The following NUP214 variants were observed in gnomAD, a reference collection of about 807,000 sequenced individuals.
NUP214 encodes nuclear pore complex protein Nup214.
Under a neutral mutation model 196.2 loss-of-function variants are expected in NUP214, and 79 were observed. That is an observed-to-expected ratio of 0.40 (90% CI 0.34 to 0.49). The LOEUF is 0.49. Ranked by LOEUF, NUP214 falls within the 20% of genes least tolerant of loss-of-function variation. NUP214 has a pLI of 0.58. For missense variants in NUP214, 2,468 were observed against 2,539.0 expected (o/e 0.97, Z 0.60); for synonymous variants, 1,020 against 990.5 (o/e 1.03, Z -0.56).
chr9:131,231,286 G>A (rs559386341), intron 34 of NUP214, among the ~76,000 whole-genome samples: 6 of 152,082 alleles, frequency 3.9e-5, no homozygotes, highest in Admixed American at 6.5e-5. Context: ...TCCGCCTCCC[G>A]GGTTCACGCC....
intron 34 of NUP214, among the ~76,000 whole-genome samples, chr9:131,231,643 A>AG (rs1834881881): frequency 6.6e-6 from 1 of 152,058 alleles, no homozygotes; most frequent in African/African-American, 2.4e-5. Context: ...AAAAAAAAAA[A>AG]AAAGGCATAG....
At chr9:131,206,140 T>C (rs1834073901) in intron 30 of NUP214, among the ~76,000 whole-genome samples, 1 of 99,890 alleles carries the variant, frequency 1.0e-5, no homozygotes, top group African/African-American at 3.7e-5. Flanking sequence ...AGAATTTTTT[T>C]CTTTTTTCTT....
rs1485730286 is a variant in NUP214 at position 131,198,628 on chromosome 9, G to A, written c.5134G>A (p.Ala1712Thr). The A allele has an allele frequency of 6.2e-7, 1 of 1,614,252 alleles. No homozygotes were observed. The change falls in exon 29 of 36, where the codon GCT becomes ACT. Residue 1712 changes from alanine to threonine, a missense_variant. Physicochemically the swap from Ala to Thr is moderately conservative, Grantham distance 58 (BLOSUM62 0). This residue lies in a region of NUP214 where 1,801 missense variants were observed against 1,779.4 expected (regional missense o/e 1.01). Coordinates refer to ENST00000359428, the MANE Select transcript of NUP214 (RefSeq NM_005085.4). Reference sequence around the variant, plus strand: ...CAGCAGCTCAGGGTTTAGCAGCCCAGCTTTTGGTACCACAGCCCCAGGGGT... The same window carrying A: ...CAGCAGCTCAGGGTTTAGCAGCCCAACTTTTGGTACCACAGCCCCAGGGGT... ...QVSSSGFSSPAFGTTAPGVFG... is the reference protein window; with the variant it reads ...QVSSSGFSSPTFGTTAPGVFG...
rs890071268 is a variant in NUP214 at position 131,233,660 on chromosome 9, A to C, written c.*173A>C. On this transcript the variant is annotated 3_prime_UTR_variant, in exon 36 of 36. Coordinates refer to ENST00000359428, the MANE Select transcript of NUP214 (RefSeq NM_005085.4). ...CGCATGATTACTTGTTTTATATTTC[A>C]TGTTGGGTTTTCCCTCCCACTATTA... 6.8e-6 allele frequency: 5 copies of C among 735,946 alleles called. No homozygotes were observed. The highest frequency in any genetic ancestry group is 1.2e-5 in the Non-Finnish European group (5 of 423,682). The allele number at this position is 735,946 out of a possible 1,614,324, so 45.6% of individuals were successfully genotyped here.
chr9:131,125,894 G>C lies in NUP214; in HGVS notation c.45+145G>C, dbSNP rs1335658871. 7 of 974,838 alleles carry C rather than the reference G, an allele frequency of 7.2e-6. No homozygotes were observed. Among genetic ancestry groups the C allele is most frequent in the Admixed American group, 2.7e-5 (1 of 36,580 alleles). The allele number at this position is 974,838 out of a possible 1,614,324, so 60.4% of individuals were successfully genotyped here. A position where few individuals can be genotyped will look rare whatever the true frequency, so the allele number is the denominator to read the frequency against. On this transcript the variant is annotated intron_variant, in intron 1 of 35. Transcript: ENST00000359428. This position sits in a 1 kb window ranked among gnomAD's most constrained non-coding sequence, Gnocchi z 4.1. ...CACAGCTCTCACCAGCGCGTCTGCC[G>C]CGCCGCTGGCGTGATAGCCCCACCG...
At chr9:131,163,690 A>G (rs560430228) in intron 19 of NUP214, among the ~76,000 whole-genome samples, 180 bp from the exon 20 acceptor site, 1 of 152,192 alleles carries the variant, frequency 6.6e-6, no homozygotes, top group East Asian at 1.9e-4. Flanking sequence ...TGGAGATGGT[A>G]TATAATATGA....
intron 24 of NUP214, 200 bp from the exon 25 acceptor site, chr9:131,187,089 A>C: frequency 1.8e-6 from 1 of 562,034 alleles, no homozygotes; most frequent in Non-Finnish European, 3.2e-6. Context: ...CACTGCTTTG[A>C]CTTTCATGCT....
Position 131,144,382 on chromosome 9 carries a change from C to G in NUP214, c.1397C>G (p.Pro466Arg). The stretch of plus-strand genomic sequence containing the variant: ...CTGCCACCTTCATCACCTGCTGCTC[C>G]CATTGCCACTTTTTCTTTGCTTCCT... ...ASLPPSSPAA[P>R]IATFSLLPAG... The change falls in exon 12 of 36, where the codon CCC becomes CGC. Residue 466 changes from proline to arginine, a missense_variant. This residue lies in a region of NUP214 where 1,801 missense variants were observed against 1,779.4 expected (regional missense o/e 1.01). Transcript: ENST00000359428. The G allele has an allele frequency of 6.2e-7, 1 of 1,614,160 alleles. No individual in the cohort carries two copies. The highest frequency in any genetic ancestry group is 8.5e-7 in the Non-Finnish European group (1 of 1,180,024).
chr9:131,189,228 G>C lies in NUP214; in HGVS notation c.3574+97G>C. 1.0e-5 allele frequency: 10 copies of C among 990,834 alleles called. No individual in the cohort carries two copies. The South Asian group carries it at 1.3e-4, about 13-fold the overall frequency. The allele number at this position is 990,834 out of a possible 1,614,324, so 61.4% of individuals were successfully genotyped here. A position where few individuals can be genotyped will look rare whatever the true frequency, so the allele number is the denominator to read the frequency against. ...CTGAGACAGTTGCCATAGGAAACAG[G>C]AGTCACATTTGATGAGATCGGGAGC... On this transcript the variant is annotated intron_variant, in intron 26 of 35. Transcript: ENST00000359428.
chr9:131,125,892 C>G lies in NUP214; in HGVS notation c.45+143C>G. ...TTCACAGCTCTCACCAGCGCGTCTG[C>G]CGCGCCGCTGGCGTGATAGCCCCAC... On this transcript the variant is annotated intron_variant, in intron 1 of 35. Coordinates refer to ENST00000359428, the MANE Select transcript of NUP214 (RefSeq NM_005085.4). The surrounding 1 kb of genome is among the most constrained non-coding windows in gnomAD (Gnocchi z 4.1). 2.2e-6 allele frequency: 2 copies of G among 915,612 alleles called. No homozygotes were observed. The highest frequency in any genetic ancestry group is 3.1e-5 in the Admixed American group (1 of 32,304). The allele number at this position is 915,612 out of a possible 1,614,324, so 56.7% of individuals were successfully genotyped here.
At chr9:131,149,820 T>C (rs1183010774) in intron 14 of NUP214, 1 of 154,628 alleles carries the variant, frequency 6.5e-6, no homozygotes, top group East Asian at 1.9e-4. Context: ...CTCCCCTGAC[T>C]TCACAGAGCC....
chr9:131,229,769 G>A (rs376769875), intron 33 of NUP214: 19 of 518,824 alleles, frequency 3.7e-5, no homozygotes, highest in African/African-American at 3.3e-4. Flanking sequence ...AAAGTCCAAT[G>A]AGAGCAGATC....
intron 17 of NUP214, among the ~76,000 whole-genome samples, chr9:131,156,972 A>AT (rs902226589): frequency 6.0e-5 from 9 of 150,776 alleles, no homozygotes; most frequent in South Asian, 4.2e-4. Context: ...GTTTTATTTT[A>AT]TTTTTTTTTA....
intron 30 of NUP214, 94 bp downstream of exon 30, chr9:131,201,811 A>G (rs1404346256): frequency 9.5e-7 from 1 of 1,052,110 alleles, no homozygotes; most frequent in Non-Finnish European, 1.5e-6. Flanking sequence ...GTATATCTAA[A>G]TCCAGCAAAT....
At chr9:131,192,175 T>TC in intron 26 of NUP214, 33 bp from the exon 27 acceptor site, 1 of 776,796 alleles carries the variant, frequency 1.3e-6, no homozygotes, top group Non-Finnish European at 1.9e-6. Context: ...TATTCTTTTT[T>TC]TTTTTTTTTT....
At chr9:131,210,619 T>G (rs1244784299) in intron 30 of NUP214, among the ~76,000 whole-genome samples, 1 of 150,340 alleles carries the variant, frequency 6.7e-6, no homozygotes, top group Non-Finnish European at 1.5e-5. Context: ...AGAGCGAGAC[T>G]CCATCTCAAA....
chr9:131,143,446 C>T (rs562146742), intron 11 of NUP214, among the ~76,000 whole-genome samples: 2 of 151,818 alleles, frequency 1.3e-5, no homozygotes, highest in African/African-American at 4.8e-5. Flanking sequence ...TATACAATGC[C>T]AAAATGTTTT....
At chr9:131,134,135 A>C (rs571581901) in intron 7 of NUP214, among the ~76,000 whole-genome samples, 1 of 152,176 alleles carries the variant, frequency 6.6e-6, no homozygotes, top group South Asian at 2.1e-4. Flanking sequence ...TCGCAGAGGT[A>C]GGGTCTTGCT....
chr9:131,177,184 A>C (rs749816887), intron 23 of NUP214, among the ~76,000 whole-genome samples: 8 of 152,260 alleles, frequency 5.3e-5, no homozygotes, highest in Admixed American at 1.3e-4. Context: ...GTGATAAGTC[A>C]AAAGATTGTA....
Sources: allele counts gnomAD v4.1 joint callset (sites outside exome capture counted in the v4.1 genomes callset), GRCh38; gene constraint gnomAD v4.1.1; regional missense constraint gnomAD v4.1.1; non-coding constraint Gnocchi (gnomAD v3.1); transcripts MANE v1.5; gene names NCBI Gene and HGNC (gene_info 2026-07-23, HGNC 2026-07-21).